RBM12B: variants seen among roughly 807,000 people sequenced by gnomAD.
The protein encoded by RBM12B is RNA-binding protein 12B.
In RBM12B, 10 loss-of-function variants were observed where a neutral mutation model predicts 34.3. The observed-to-expected ratio is 0.29, with a 90% CI of 0.18 to 0.49. The LOEUF (loss-of-function observed/expected upper bound fraction) is 0.49, where lower values mean the gene tolerates loss of function less well. RBM12B is among the 20% of genes least tolerant of loss of function. The pLI, the probability that RBM12B is intolerant of heterozygous loss-of-function variation, is 0.99. For synonymous variants in RBM12B, 477 were observed against 437.1 expected (o/e 1.09, Z -1.14); for missense variants, 1,139 against 1,262.7 (o/e 0.90, Z 1.48).
rs774808381 is a variant in RBM12B at position 93,735,249 on chromosome 8, G to C, written c.1162C>G (p.Gln388Glu). 6.2e-7 allele frequency: 1 copy of C among 1,613,968 alleles called. No homozygotes were observed. The highest frequency in any genetic ancestry group is 2.2e-5 in the East Asian group (1 of 44,884). ...GAGTTACCTTCTTGAGAGTATTTTT[G>C]TGAAACATGTCCGGGCCTATCTCTC... ...LERDRPGHVSQKYSQEGNSGQ... is the reference protein window; with the variant it reads ...LERDRPGHVSEKYSQEGNSGQ... The change falls in exon 4 of 4, where the codon CAA becomes GAA. Residue 388 changes from glutamine to glutamate, a missense_variant. Around this residue, in one of 3 missense-constraint regions of RBM12B, gnomAD observed 863 missense variants for 869.5 expected, o/e 0.99. Transcript: ENST00000520560.
Position 93,740,018 on chromosome 8 carries a change from G to C in RBM12B, c.-78+611C>G, listed in dbSNP as rs567289146. The C allele has an allele frequency of 3.0e-5, 9 of 301,002 alleles. No individual in the cohort carries two copies. The East Asian group carries it at 7.2e-4, about 24-fold the overall frequency. 18.6% of individuals were successfully genotyped at this position (301,002 alleles called of 1,614,324 possible). On this transcript the variant is annotated intron_variant, in intron 2 of 3. Transcript: ENST00000520560. The stretch of plus-strand genomic sequence containing the variant: ...AAGAAAAAGTCATTTTCCAGATATG[G>C]TGAGGGAGAGAATTTTTTTTAACTC...
chr8:93,733,482 T>G lies in RBM12B; in HGVS notation c.2929A>C (p.Asn977His). 1 of 1,602,968 alleles carries G rather than the reference T, an allele frequency of 6.2e-7. No homozygotes were observed. Among genetic ancestry groups the G allele is most frequent in the Non-Finnish European group, 8.5e-7 (1 of 1,174,292 alleles). ...TCTTTAATAGCAGCCATAGCTTCATTATAGTTTATCATAGCAACAATGGCT... is the reference window on the plus strand; with the variant it reads ...TCTTTAATAGCAGCCATAGCTTCATGATAGTTTATCATAGCAACAATGGCT... ...GEAIVAMINY[N>H]EAMAAIKDLN... Residue 977 changes from asparagine (N) to histidine (H), a missense_variant, in exon 4 of 4, where the codon AAT becomes CAT. Physicochemically the swap from Asn to His is moderately conservative, Grantham distance 68. This residue lies in a region of RBM12B where 60 missense variants were observed against 101.0 expected (regional missense o/e 0.59). Coordinates refer to ENST00000520560, the MANE Select transcript of RBM12B (RefSeq NM_001377960.1).
At chr8:93,736,548 AAAC>A in intron 3 of RBM12B, 110 bp from the exon 4 acceptor site, 1 of 831,834 alleles carries the variant, frequency 1.2e-6, no homozygotes, top group Non-Finnish European at 1.7e-6. Context: ...TTATAAATGA[AAAC>A]AAGATACAAG....
intron 3 of RBM12B, among the ~76,000 whole-genome samples, chr8:93,736,690 C>T (rs1431570646): frequency 6.6e-6 from 1 of 152,186 alleles, no homozygotes; most frequent in Non-Finnish European, 1.5e-5. Context: ...ACAATAGGAA[C>T]ATCAAAAATA....
Position 93,729,176 on chromosome 8 carries a change from T to C in RBM12B, c.*4229A>G, listed in dbSNP as rs1028258913. 6.6e-6 allele frequency: 1 copy of C among 152,138 alleles called. No homozygotes were observed. Among genetic ancestry groups the C allele is most frequent in the African/African-American group, 2.4e-5 (1 of 41,466 alleles). The allele number at this position is 152,138 out of a possible 1,614,324, so 9.4% of individuals were successfully genotyped here. A position where few individuals can be genotyped will look rare whatever the true frequency, so the allele number is the denominator to read the frequency against. On this transcript the variant is annotated 3_prime_UTR_variant, in exon 4 of 4. Transcript: ENST00000520560. The stretch of plus-strand genomic sequence containing the variant: ...AGGCAGGCATATAAAAGTTACGGAA[T>C]TTATAAAATCATTTGGGATAATTAG...
chr8:93,737,715 TCTATC>T (rs1812062497), intron 2 of RBM12B, among the ~76,000 whole-genome samples: 1 of 151,714 alleles, frequency 6.6e-6, no homozygotes, highest in Non-Finnish European at 1.5e-5. Context: ...TTTACTGAAT[TCTATC>T]CTTAGGGTCT....
chr8:93,736,151 C>CT lies in RBM12B; in HGVS notation c.259dup (p.Arg87LysfsTer3). 6.2e-7 allele frequency: 1 copy of CT among 1,614,192 alleles called. No individual in the cohort carries two copies. The highest frequency in any genetic ancestry group is 8.5e-7 in the Non-Finnish European group (1 of 1,180,026). On this transcript the variant is annotated frameshift_variant, in exon 4 of 4. Coordinates refer to ENST00000520560, the MANE Select transcript of RBM12B (RefSeq NM_001377960.1). LOFTEE classifies it high-confidence loss of function. ...ACGCCCTCTTCCTACACGATCAGTT[C>CT]TTTTCATTTCTATAGTCTTCTGCAT... is the stretch of plus-strand genomic sequence containing the variant.
intron 3 of RBM12B, 43 bp downstream of exon 3, chr8:93,737,264 G>GT (rs1367261687): frequency 2.6e-5 from 4 of 152,244 alleles, no homozygotes; most frequent in East Asian, 1.9e-4. Flanking sequence ...TACTTCACAT[G>GT]TTTTTTGTTG....
intron 2 of RBM12B, chr8:93,740,203 CA>C (rs1266949856): frequency 4.7e-6 from 2 of 421,536 alleles, no homozygotes; most frequent in Non-Finnish European, 4.8e-6. Flanking sequence ...AAGGAATGAC[CA>C]ATGAGAGCCA....
chr8:93,731,834 T>C lies in RBM12B; in HGVS notation c.*1571A>G, dbSNP rs1043992386. ...AATTTTGAAATATAAGCCAGTAATA[T>C]ACCATATGAGTATCCCAAGAGAAAC... On this transcript the variant is annotated 3_prime_UTR_variant, in exon 4 of 4. Coordinates refer to ENST00000520560, the MANE Select transcript of RBM12B (RefSeq NM_001377960.1). 2.6e-5 allele frequency: 4 copies of C among 152,542 alleles called. No homozygotes were observed. The highest frequency in any genetic ancestry group is 9.7e-5 in the African/African-American group (4 of 41,426). 9.4% of individuals were successfully genotyped at this position (152,542 alleles called of 1,614,324 possible).
At position 93,732,757 on chromosome 8, in the gene RBM12B, T is replaced by A. The variant is rs534625933; in HGVS notation, c.*648A>T. 6.6e-6 allele frequency: 1 copy of A among 152,336 alleles called. No individual in the cohort carries two copies. Among genetic ancestry groups the A allele is most frequent in the East Asian group, 1.9e-4 (1 of 5,192 alleles). 9.4% of individuals were successfully genotyped at this position (152,336 alleles called of 1,614,324 possible). On this transcript the variant is annotated 3_prime_UTR_variant, in exon 4 of 4. Transcript: ENST00000520560. ...GAGCTGCAATTCTTTTTTCTTTTTA[T>A]ACAAATACAAGTTAATTAGCTCTAT... is the stretch of plus-strand genomic sequence containing the variant.
Position 93,734,056 on chromosome 8 carries a change from C to T in RBM12B, c.2355G>A (p.Glu785=), listed in dbSNP as rs1811895136. Residue 785 remains glutamate (E), a synonymous_variant, in exon 4 of 4, where the codon GAG becomes GAA. Coordinates refer to ENST00000520560, the MANE Select transcript of RBM12B (RefSeq NM_001377960.1). ...PPEHFRRPPQ[E]HFRRPPQEHF... ...GCTCCTGAGGCGGCCGCCTGAAATG[C>T]TCCTGGGGCGGTCTCCGGAAGTGCT... 1 of 1,586,600 alleles carries T rather than the reference C, an allele frequency of 6.3e-7. No individual in the cohort carries two copies. The highest frequency in any genetic ancestry group is 8.6e-7 in the Non-Finnish European group (1 of 1,169,582).
intron 1 of RBM12B, 57 bp downstream of exon 1, chr8:93,740,824 C>G (rs1268403368): frequency 3.0e-6 from 1 of 336,738 alleles, no homozygotes; most frequent in Admixed American, 4.3e-5. Context: ...TCGCCCAGCC[C>G]TCCCCACCCC....
intron 2 of RBM12B, chr8:93,739,100 A>G (rs1812113422): frequency 6.6e-6 from 1 of 152,218 alleles, no homozygotes; most frequent in South Asian, 2.1e-4. Flanking sequence ...TACTTACTTT[A>G]TCCATATTAA....
chr8:93,736,108 T>C lies in RBM12B; in HGVS notation c.303A>G (p.Ser101=). ...VGRGRPGSGT[S]GVDSLSNFIE... ...TAAAATTAGACAGGCTGTCAACCCCTGATGTCCCAGATCCTGGACGCCCTC... is the reference window on the plus strand; with the variant it reads ...TAAAATTAGACAGGCTGTCAACCCCCGATGTCCCAGATCCTGGACGCCCTC... Residue 101 remains serine, a synonymous_variant, in exon 4 of 4, where the codon TCA becomes TCG. Coordinates refer to ENST00000520560, the MANE Select transcript of RBM12B (RefSeq NM_001377960.1). 1.9e-6 allele frequency: 3 copies of C among 1,614,116 alleles called. No individual in the cohort carries two copies. The highest frequency in any genetic ancestry group is 2.5e-6 in the Non-Finnish European group (3 of 1,180,018).
Position 93,735,265 on chromosome 8 carries a change from C to T in RBM12B, c.1146G>A (p.Arg382=). The change falls in exon 4 of 4, where the codon AGG becomes AGA. Residue 382 remains arginine, a synonymous_variant. Coordinates refer to ENST00000520560, the MANE Select transcript of RBM12B (RefSeq NM_001377960.1). ...AGTATTTTTGTGAAACATGTCCGGG[C>T]CTATCTCTCTCTAGTGACCCTGATC... is the stretch of plus-strand genomic sequence containing the variant. ...KKRSGSLERD[R]PGHVSQKYSQ... is the part of the protein sequence containing the mutation. 6.2e-7 allele frequency: 1 copy of T among 1,613,924 alleles called. No individual in the cohort carries two copies. Among genetic ancestry groups the T allele is most frequent in the Non-Finnish European group, 8.5e-7 (1 of 1,179,962 alleles).
chr8:93,738,108 G>C (rs1006953688), intron 2 of RBM12B, among the ~76,000 whole-genome samples: 1 of 152,166 alleles, frequency 6.6e-6, no homozygotes, highest in African/African-American at 2.4e-5. Flanking sequence ...CATGAAGCCA[G>C]TATAATTAAG....
rs941968981 is a variant in RBM12B at position 93,731,431 on chromosome 8, CCAAA to C, written c.*1970_*1973del. ...CTTCATTGTGCTTGGTTTGGATATTCCAAACAATCAATTTAACATTATCCTAGCT... is the reference window on the plus strand; with the variant it reads ...CTTCATTGTGCTTGGTTTGGATATTCCAATCAATTTAACATTATCCTAGCT... On this transcript the variant is annotated 3_prime_UTR_variant, in exon 4 of 4. Coordinates refer to ENST00000520560, the MANE Select transcript of RBM12B (RefSeq NM_001377960.1). The C allele has an allele frequency of 2.0e-5, 3 of 152,134 alleles. No homozygotes were observed. The highest frequency in any genetic ancestry group is 4.8e-5 in the African/African-American group (2 of 41,428). The allele number at this position is 152,134 out of a possible 1,614,324, so 9.4% of individuals were successfully genotyped here.
chr8:93,740,114 G>A, intron 2 of RBM12B: 1 of 357,642 alleles, frequency 2.8e-6, no homozygotes, highest in Non-Finnish European at 5.5e-6. Context: ...TTCCCCTGCA[G>A]AAAATAATCT....
Sources: gnomAD v4.1 joint callset for allele counts (sites outside exome capture counted in the v4.1 genomes callset) on GRCh38, gnomAD v4.1.1 for gene constraint, gnomAD v4.1.1 regional missense constraint, MANE v1.5 for transcripts, NCBI Gene and HGNC (gene_info 2026-07-23, HGNC 2026-07-21) for gene names.